Variants in CLCN1 observed in about 807,000 individuals in gnomAD.
CLCN1 encodes the protein chloride voltage-gated channel 1.
A neutral mutation model predicts 114.5 loss-of-function variants in CLCN1; 100 were observed. The observed-to-expected ratio is 0.87, with a 90% CI of 0.74 to 1.03. The LOEUF is 1.03. Among genes scored for constraint, CLCN1 ranks in the 50% least tolerant of loss-of-function variants. CLCN1 has a pLI of 0.00. For missense variants in CLCN1, 1,188 were observed against 1,250.0 expected (o/e 0.95, Z 0.75); for synonymous variants, 485 against 487.1 (o/e 1.00, Z 0.06).
chr7:143,346,272 ACC>A, intron 18 of CLCN1, 21 bp downstream of exon 18: 1 of 1,475,852 alleles, frequency 6.8e-7, no homozygotes, highest in Non-Finnish European at 9.5e-7. Flanking sequence ...TCCCTCATGC[ACC>A]CCAACTCACC....
At position 143,324,486 on chromosome 7, in the gene CLCN1, C is replaced by G; in HGVS notation, c.847C>G (p.Leu283Val). The G allele has an allele frequency of 6.2e-7, 1 of 1,613,212 alleles. No homozygotes were observed. Among genetic ancestry groups the G allele is most frequent in the Non-Finnish European group, 8.5e-7 (1 of 1,179,308 alleles). ...AGTCGGCTGTTGTTTTGGGACACCACTTGGAGGCAAGTGATTGACCCCCTC... is the reference window on the plus strand; with the variant it reads ...AGTCGGCTGTTGTTTTGGGACACCAGTTGGAGGCAAGTGATTGACCCCCTC... The part of the protein sequence containing the change: ...VGVGCCFGTP[L>V]GGVLFSIEVT... Residue 283 changes from leucine (L) to valine (V), a missense_variant, in exon 7 of 23, where the codon CTT becomes GTT. Leu to Val is a conservative substitution (Grantham distance 32). Coordinates refer to ENST00000343257, the MANE Select transcript of CLCN1 (RefSeq NM_000083.3). The surrounding 1 kb of genome is among the most constrained non-coding windows in gnomAD (Gnocchi z 4.6).
Position 143,330,783 on chromosome 7 carries a change from A to C in CLCN1, c.865A>C (p.Ser289Arg). 1 of 1,614,088 alleles carries C rather than the reference A, an allele frequency of 6.2e-7. No individual in the cohort carries two copies. Among genetic ancestry groups the C allele is most frequent in the African/African-American group, 1.3e-5 (1 of 75,028 alleles). The part of the protein sequence containing the change: ...FGTPLGGVLF[S>R]IEVTSTYFAV... Reference sequence around the variant, plus strand: ...CTGTGCCCCTGCAGGAGTGCTATTTAGCATCGAGGTCACCTCCACCTACTT... The same window carrying C: ...CTGTGCCCCTGCAGGAGTGCTATTTCGCATCGAGGTCACCTCCACCTACTT... The change falls in exon 8 of 23, where the codon AGC becomes CGC. Residue 289 changes from serine to arginine, a missense_variant. Physicochemically the swap from Ser to Arg is moderately radical, Grantham distance 110. Transcript: ENST00000343257.
chr7:143,338,447 A>G (rs2116863312), intron 12 of CLCN1, among the ~76,000 whole-genome samples: 1 of 152,216 alleles, frequency 6.6e-6, no homozygotes, highest in East Asian at 1.9e-4. Flanking sequence ...AGCTCAATTA[A>G]TCACACAATA....
intron 22 of CLCN1, 22 bp from the exon 23 acceptor site, chr7:143,351,572 T>C: frequency 6.2e-7 from 1 of 1,613,718 alleles, no homozygotes. Flanking sequence ...TTACCCTCTT[T>C]TCCTTTCCCA....
At chr7:143,327,258 A>AG (rs2116846872) in intron 7 of CLCN1, among the ~76,000 whole-genome samples, 1 of 5,594 alleles carries the variant, frequency 1.8e-4, no homozygotes, top group East Asian at 5.4e-3. Flanking sequence ...AAAAAAAAAA[A>AG]AAAAGAAAAG....
intron 2 of CLCN1, among the ~76,000 whole-genome samples, chr7:143,320,429 C>A (rs1802393585): frequency 6.6e-6 from 1 of 152,106 alleles, no homozygotes; most frequent in Non-Finnish European, 1.5e-5. Flanking sequence ...GGGGCCGGAG[C>A]AGCAATCAGC....
chr7:143,350,781 T>A lies in CLCN1; in HGVS notation c.2595+127T>A. On this transcript the variant is annotated intron_variant, in intron 22 of 22. Coordinates refer to ENST00000343257, the MANE Select transcript of CLCN1 (RefSeq NM_000083.3). This position sits in a 1 kb window ranked among gnomAD's most constrained non-coding sequence, Gnocchi z 5.1. Reference sequence around the variant, plus strand: ...TCAGATTCCCTTCTCTATTTCTTTCTTTTTTTTTTTTTTGAGACAGAGTTT... The same window carrying A: ...TCAGATTCCCTTCTCTATTTCTTTCATTTTTTTTTTTTTGAGACAGAGTTT... 1.8e-5 allele frequency: 2 copies of A among 111,934 alleles called. No individual in the cohort carries two copies. The highest frequency in any genetic ancestry group is 3.2e-5 in the Non-Finnish European group (2 of 62,340). 6.9% of individuals were successfully genotyped at this position (111,934 alleles called of 1,614,324 possible).
chr7:143,350,711 G>A lies in CLCN1; in HGVS notation c.2595+57G>A, dbSNP rs1238856389. ...GAGGGAGGCTGGGCATAGGATAAGG[G>A]GATGCAGTGGGGACAGAAGGAATAT... On this transcript the variant is annotated intron_variant, in intron 22 of 22. Transcript: ENST00000343257. The surrounding 1 kb of genome is among the most constrained non-coding windows in gnomAD (Gnocchi z 5.1). The A allele has an allele frequency of 2.5e-6, 3 of 1,208,350 alleles. No homozygotes were observed. Among genetic ancestry groups the A allele is most frequent in the Middle Eastern group, 2.3e-4 (1 of 4,360 alleles). The allele number at this position is 1,208,350 out of a possible 1,614,324, so 74.9% of individuals were successfully genotyped here.
At chr7:143,341,729 G>T (rs1803081105) in intron 14 of CLCN1, among the ~76,000 whole-genome samples, 200 bp from the exon 15 acceptor site, 1 of 152,088 alleles carries the variant, frequency 6.6e-6, no homozygotes, top group African/African-American at 2.4e-5. Context: ...GTAACTTGGT[G>T]AAGTTTATAG....
chr7:143,339,296 G>C lies in CLCN1; in HGVS notation c.1445G>C (p.Gly482Ala). 1.9e-6 allele frequency: 3 copies of C among 1,613,172 alleles called. No individual in the cohort carries two copies. Among genetic ancestry groups the C allele is most frequent in the Non-Finnish European group, 2.5e-6 (3 of 1,179,064 alleles). The change falls in exon 13 of 23, where the codon GGA becomes GCA. Residue 482 changes from glycine (G) to alanine (A), a missense_variant. Gly to Ala is a moderately conservative substitution (Grantham distance 60). Coordinates refer to ENST00000343257, the MANE Select transcript of CLCN1 (RefSeq NM_000083.3). The surrounding 1 kb of genome is among the most constrained non-coding windows in gnomAD (Gnocchi z 4.1). ...GCCACCACTATGCCCATACCCTGCG[G>C]AGGCTTCATGCCTGTGTTTGTGCTA... is the stretch of plus-strand genomic sequence containing the variant. Reference protein sequence around the residue: ...IVATTMPIPCGGFMPVFVLGA... With the variant: ...IVATTMPIPCAGFMPVFVLGA...
rs1221017672 is a variant in CLCN1 at position 143,324,675 on chromosome 7, A to G, written c.853+183A>G. Among the ~76,000 whole-genome samples, 1 of 152,264 alleles carries G rather than the reference A, an allele frequency of 6.6e-6. No homozygotes were observed. Among genetic ancestry groups the G allele is most frequent in the Non-Finnish European group, 1.5e-5 (1 of 68,044 alleles). On this transcript the variant is annotated intron_variant, in intron 7 of 22. Transcript: ENST00000343257. This position sits in a 1 kb window ranked among gnomAD's most constrained non-coding sequence, Gnocchi z 4.6. ...CTTACTTTTATTCCTGGCCAAAGCC[A>G]TATGAGACAGATATTACAGAGGAGG...
At position 143,330,798 on chromosome 7, in the gene CLCN1, T is replaced by C; in HGVS notation, c.880T>C (p.Ser294Pro). ...GGVLFSIEVT[S>P]TYFAVRNYWR... ...AGTGCTATTTAGCATCGAGGTCACC[T>C]CCACCTACTTTGCTGTTCGGAACTA... The change falls in exon 8 of 23, where the codon TCC becomes CCC. Residue 294 changes from serine to proline, a missense_variant. Coordinates refer to ENST00000343257, the MANE Select transcript of CLCN1 (RefSeq NM_000083.3). 2 of 1,614,180 alleles carry C rather than the reference T, an allele frequency of 1.2e-6. No homozygotes were observed. Among genetic ancestry groups the C allele is most frequent in the Non-Finnish European group, 1.7e-6 (2 of 1,180,024 alleles).
intron 14 of CLCN1, among the ~76,000 whole-genome samples, chr7:143,340,979 T>C (rs1211930922): frequency 6.6e-6 from 1 of 152,206 alleles, no homozygotes; most frequent in African/African-American, 2.4e-5. Context: ...CAAGATAGAT[T>C]CTATCTTCAG....
intron 20 of CLCN1, among the ~76,000 whole-genome samples, chr7:143,347,700 C>T (rs1803292958): frequency 6.6e-6 from 1 of 151,292 alleles, no homozygotes; most frequent in Non-Finnish European, 1.5e-5. Flanking sequence ...GATCAGGGCC[C>T]TGAGACAGTG....
In CLCN1 at chr7:143,350,817, G is replaced by A. The variant is rs185760236; in HGVS notation, c.2595+163G>A. ...TTTGAGACAGAGTTTCACTCTTGTC[G>A]CCCAGGCTGGAGTGCAGTGGCGTGA... On this transcript the variant is annotated intron_variant, in intron 22 of 22. Coordinates refer to ENST00000343257, the MANE Select transcript of CLCN1 (RefSeq NM_000083.3). The surrounding 1 kb of genome is among the most constrained non-coding windows in gnomAD (Gnocchi z 5.1). 2.7e-5 allele frequency among the ~76,000 whole-genome samples: 4 copies of A among 147,924 alleles called. No homozygotes were observed. Among genetic ancestry groups the A allele is most frequent in the South Asian group, 2.1e-4 (1 of 4,694 alleles).
intron 6 of CLCN1, chr7:143,323,916 C>T (rs996396276): frequency 1.9e-5 from 9 of 465,660 alleles, no homozygotes; most frequent in Non-Finnish European, 4.0e-5. Context: ...CACTTCCTCC[C>T]TATCCCGGTT....
At chr7:143,351,143 A>G (rs1208052010) in intron 22 of CLCN1, among the ~76,000 whole-genome samples, 2 of 152,074 alleles carry the variant, frequency 1.3e-5, no homozygotes, top group African/African-American at 4.8e-5. Context: ...GGTAGAGGAG[A>G]CTACGAAGCC....
At chr7:143,346,748 G>T in intron 19 of CLCN1, 90 bp downstream of exon 19, 1 of 1,271,068 alleles carries the variant, frequency 7.9e-7, no homozygotes, top group South Asian at 1.2e-5. Flanking sequence ...GGAAGGCAGA[G>T]ACCCCACCAA....
At chr7:143,328,556 A>G (rs1802637740) in intron 7 of CLCN1, among the ~76,000 whole-genome samples, 1 of 152,178 alleles carries the variant, frequency 6.6e-6, no homozygotes, top group African/African-American at 2.4e-5. Context: ...CGTCGTAGGA[A>G]AGAAAACCTA....
Sources: allele counts gnomAD v4.1 joint callset (sites outside exome capture counted in the v4.1 genomes callset), GRCh38; gene constraint gnomAD v4.1.1; non-coding constraint Gnocchi (gnomAD v3.1); transcripts MANE v1.5; gene names NCBI Gene and HGNC (gene_info 2026-07-23, HGNC 2026-07-21).